LMBRD1: variants seen among roughly 807,000 people sequenced by gnomAD.
The protein encoded by LMBRD1 is LMBR1 domain containing 1.
Under a neutral mutation model 74.8 loss-of-function variants are expected in LMBRD1, and 64 were observed. The ratio of observed to expected loss-of-function variants is 0.86; its 90% CI spans 0.70 to 1.05. LMBRD1 has a LOEUF of 1.05. LMBRD1 is among the 50% of genes least tolerant of loss of function. LMBRD1 has a pLI of 0.00. For missense variants in LMBRD1, 652 were observed against 645.9 expected (o/e 1.01, Z -0.10); for synonymous variants, 204 against 216.3 (o/e 0.94, Z 0.50).
rs761273307 is a variant in LMBRD1, at chr6:69,790,418, T to C, written c.124A>G (p.Ser42Gly). 3 of 1,614,102 alleles carry C rather than the reference T, an allele frequency of 1.9e-6. No homozygotes were observed. The highest frequency in any genetic ancestry group is 1.3e-5 in the African/African-American group (1 of 75,062). The change falls in exon 2 of 16, where the codon AGT becomes GGT. Residue 42 changes from serine (S) to glycine (G), a missense_variant. Coordinates refer to ENST00000649934, the MANE Select transcript of LMBRD1 (RefSeq NM_018368.4). The stretch of plus-strand genomic sequence containing the variant: ...GCTGTTATGGTGGAGACAACTTCAC[T>C]TTCCCGCCGACTTTGGTATTTACGA... ...YVRKYQSRRE[S>G]EVVSTITAIF...
chr6:69,685,531 T>G (rs1294642287), intron 14 of LMBRD1, among the ~76,000 whole-genome samples: 1 of 152,206 alleles, frequency 6.6e-6, no homozygotes, highest in Non-Finnish European at 1.5e-5. Context: ...TCAGGCGTGG[T>G]GGCTCATGCC....
intron 8 of LMBRD1, among the ~76,000 whole-genome samples, chr6:69,717,253 G>T (rs1262716078): frequency 2.0e-5 from 3 of 152,090 alleles, no homozygotes; most frequent in East Asian, 3.9e-4. Flanking sequence ...CATGGTAGAT[G>T]ATATTTGCCA....
intron 9 of LMBRD1, among the ~76,000 whole-genome samples, chr6:69,709,067 T>A (rs1393275485): frequency 1.3e-5 from 2 of 152,080 alleles, no homozygotes; most frequent in Non-Finnish European, 2.9e-5. Flanking sequence ...AAACCCCGTC[T>A]CTACTAAAAA....
chr6:69,773,687 TAAA>T (rs752324557), intron 3 of LMBRD1, among the ~76,000 whole-genome samples: 15 of 152,206 alleles, frequency 9.9e-5, no homozygotes, highest in Non-Finnish European at 1.9e-4. Context: ...AAACACCTAA[TAAA>T]CTGGGATTTT....
intron 14 of LMBRD1, among the ~76,000 whole-genome samples, chr6:69,693,952 A>G (rs1765942704): frequency 6.6e-6 from 1 of 152,144 alleles, no homozygotes; most frequent in Non-Finnish European, 1.5e-5. Context: ...ATAAACCCAT[A>G]AAACTAAAGG....
intron 2 of LMBRD1, among the ~76,000 whole-genome samples, chr6:69,785,451 C>G (rs1765925356): frequency 6.6e-6 from 1 of 152,204 alleles, no homozygotes; most frequent in Non-Finnish European, 1.5e-5. Context: ...ACAGTACACA[C>G]TTTAAAGGTA....
intron 14 of LMBRD1, among the ~76,000 whole-genome samples, chr6:69,684,976 TAAGG>T (rs1352609551): frequency 6.6e-6 from 1 of 152,134 alleles, no homozygotes; most frequent in Non-Finnish European, 1.5e-5. Flanking sequence ...TACAAATGTT[TAAGG>T]GAGACAAAGA....
At chr6:69,721,278 T>C (rs1256230943) in intron 7 of LMBRD1, among the ~76,000 whole-genome samples, 2 of 152,178 alleles carry the variant, frequency 1.3e-5, no homozygotes, top group Non-Finnish European at 2.9e-5. Context: ...GCTTGCACCA[T>C]TCCTCTCCCA....
chr6:69,737,000 T>G (rs1766991266), intron 7 of LMBRD1, among the ~76,000 whole-genome samples: 1 of 152,192 alleles, frequency 6.6e-6, no homozygotes, highest in African/African-American at 2.4e-5. Context: ...AGTAAGCACC[T>G]GTAAGATATT....
chr6:69,729,660 C>A (rs1421893033), intron 7 of LMBRD1, among the ~76,000 whole-genome samples: 4 of 151,904 alleles, frequency 2.6e-5, no homozygotes, highest in Non-Finnish European at 5.9e-5. Context: ...TTCTAAATAG[C>A]TTAATTTAAA....
chr6:69,748,315 A>G (rs1298500702), intron 5 of LMBRD1, among the ~76,000 whole-genome samples: 3 of 152,172 alleles, frequency 2.0e-5, no homozygotes, highest in Admixed American at 6.5e-5. Flanking sequence ...GGAAATTAAC[A>G]TAAGTAGATT....
chr6:69,695,836 T>C (rs1194064718), intron 14 of LMBRD1, among the ~76,000 whole-genome samples: 2 of 117,924 alleles, frequency 1.7e-5, no homozygotes, highest in East Asian at 5.4e-4. Flanking sequence ...TTTCTAACCT[T>C]AGTACTTTTT....
chr6:69,741,575 G>A lies in LMBRD1; in HGVS notation c.562+214C>T, dbSNP rs145920901. On this transcript the variant is annotated intron_variant, in intron 6 of 15. Coordinates refer to ENST00000649934, the MANE Select transcript of LMBRD1 (RefSeq NM_018368.4). ...TAATTTTTGTATTTTTAGCAGAGAC[G>A]GGGTTTGGCCATGTTGGCCAGGCTG... is the stretch of plus-strand genomic sequence containing the variant. Among the ~76,000 whole-genome samples the A allele has an allele frequency of 5.0e-3, 762 of 152,166 alleles. 2 individuals carry two copies. The highest frequency in any genetic ancestry group is 8.9e-3 in the Non-Finnish European group (607 of 67,984).
chr6:69,784,292 G>T (rs1269519988), intron 2 of LMBRD1, among the ~76,000 whole-genome samples: 1 of 152,190 alleles, frequency 6.6e-6, no homozygotes, highest in Non-Finnish European at 1.5e-5. Context: ...ACAAGGATAT[G>T]AATTCCACAG....
At chr6:69,774,731 A>G (rs1765652421) in intron 3 of LMBRD1, among the ~76,000 whole-genome samples, 1 of 152,254 alleles carries the variant, frequency 6.6e-6, no homozygotes, top group Middle Eastern at 3.4e-3. Context: ...CTAAGCCTGC[A>G]TAGCAGGTCT....
chr6:69,677,109 G>C (rs1212177383), intron 14 of LMBRD1, among the ~76,000 whole-genome samples: 1 of 152,160 alleles, frequency 6.6e-6, no homozygotes, highest in Non-Finnish European at 1.5e-5. Context: ...GAAGACTCAA[G>C]GGAAAACTGT....
intron 2 of LMBRD1, among the ~76,000 whole-genome samples, chr6:69,781,301 C>T (rs185366721): frequency 3.3e-5 from 5 of 152,162 alleles, no homozygotes; most frequent in African/African-American, 1.2e-4. Context: ...AATGTCAAGC[C>T]TTTTTGGCCT....
chr6:69,729,985 A>G (rs1254271687), intron 7 of LMBRD1, among the ~76,000 whole-genome samples: 1 of 151,952 alleles, frequency 6.6e-6, no homozygotes, highest in Admixed American at 6.6e-5. Flanking sequence ...CAAAAAGGCT[A>G]TCCTTTTCAG....
intron 14 of LMBRD1, among the ~76,000 whole-genome samples, chr6:69,683,056 T>G (rs142113378): frequency 3.3e-5 from 5 of 152,102 alleles, no homozygotes; most frequent in African/African-American, 9.6e-5. Context: ...GCTAATCAAC[T>G]TTACTATACT....
Sources: allele counts gnomAD v4.1 joint callset (sites outside exome capture counted in the v4.1 genomes callset), GRCh38; gene constraint gnomAD v4.1.1; transcripts MANE v1.5; gene names NCBI Gene and HGNC (gene_info 2026-07-23, HGNC 2026-07-21).